Variants in FBXL7 observed in about 807,000 individuals in gnomAD.
FBXL7 encodes the protein F-box and leucine rich repeat protein 7, also known as F-box/LRR-repeat protein 7.
FBXL7 carries 12 observed loss-of-function variants against 38.3 expected under a neutral mutation model. The observed-to-expected ratio is 0.31, with a 90% confidence interval of 0.20 to 0.51. The LOEUF is 0.51. Ranked by LOEUF, FBXL7 falls within the 20% of genes least tolerant of loss-of-function variation. FBXL7 has a pLI of 0.98. For synonymous variants in FBXL7, 297 were observed against 300.9 expected, an observed-to-expected ratio of 0.99 and a Z score of 0.13; for missense variants, 567 against 676.4, an observed-to-expected ratio of 0.84 and a Z score of 1.79.
chr5:15,570,334 G>A lies in FBXL7; in HGVS notation c.38-45649G>A, dbSNP rs528753090. ...TTAGTCTTGGGAGGGTGTATTTGTCGAGGAATTTATCCATTTCTTCTAGAT... is the reference window on the plus strand; with the variant it reads ...TTAGTCTTGGGAGGGTGTATTTGTCAAGGAATTTATCCATTTCTTCTAGAT... On this transcript the variant is annotated intron_variant, in intron 1 of 3. Transcript: ENST00000504595. 9.9e-5 allele frequency among the ~76,000 whole-genome samples: 15 copies of A among 152,194 alleles called. No homozygotes were observed. In the East Asian group the frequency reaches 1.2e-3, roughly 12 times the overall value.
At chr5:15,722,462 A>G (rs1429442936) in intron 2 of FBXL7, among the ~76,000 whole-genome samples, 2 of 152,204 alleles carry the variant, frequency 1.3e-5, no homozygotes, top group Non-Finnish European at 2.9e-5. Flanking sequence ...GCTTTGAGGT[A>G]CACACAGTAA....
rs142590987 is a variant in FBXL7 at position 15,900,261 on chromosome 5, T to C, written c.128-27629T>C. Among the ~76,000 whole-genome samples, 752 of 152,294 alleles carry C rather than the reference T, an allele frequency of 4.9e-3. 4 individuals are homozygous for C. The highest frequency in any genetic ancestry group is 0.016 in the African/African-American group (670 of 41,560). On this transcript the variant is annotated intron_variant, in intron 2 of 3. Coordinates refer to ENST00000504595, the MANE Select transcript of FBXL7 (RefSeq NM_012304.5). ...ATCTCTAAAAACAAAAGTCCATTAT[T>C]AGGGTAAGAAAAAGGAAGTCATCCT... is the stretch of plus-strand genomic sequence containing the variant.
At chr5:15,683,531 A>G (rs1742917142) in intron 2 of FBXL7, among the ~76,000 whole-genome samples, 1 of 152,212 alleles carries the variant, frequency 6.6e-6, no homozygotes, top group South Asian at 2.1e-4. Flanking sequence ...TAAACCATGT[A>G]TTCTGGGACA....
chr5:15,811,016 G>A (rs1361447760), intron 2 of FBXL7, among the ~76,000 whole-genome samples: 1 of 152,106 alleles, frequency 6.6e-6, no homozygotes, highest in Non-Finnish European at 1.5e-5. Context: ...AAAAGAAACT[G>A]CAGAAGGATC....
chr5:15,935,059 A>G, intron 3 of FBXL7: 1 of 484,150 alleles, frequency 2.1e-6, no homozygotes, highest in Non-Finnish European at 4.4e-6. Context: ...GAAAGTCTGG[A>G]GGGCTAAGGG....
intron 2 of FBXL7, among the ~76,000 whole-genome samples, chr5:15,824,321 G>C (rs939346740): frequency 2.7e-5 from 4 of 149,672 alleles, no homozygotes; most frequent in Non-Finnish European, 5.9e-5. Flanking sequence ...AGAGAAAAAC[G>C]TGGACCATTT....
chr5:15,568,595 T>G (rs533145503), intron 1 of FBXL7, among the ~76,000 whole-genome samples: 51 of 151,650 alleles, frequency 3.4e-4, no homozygotes, highest in East Asian at 2.9e-3. Context: ...TTAGTTTAAT[T>G]AGATCCCATT....
intron 1 of FBXL7, among the ~76,000 whole-genome samples, chr5:15,613,553 C>CAATG (rs1554009287): frequency 1.3e-5 from 2 of 152,102 alleles, no homozygotes; most frequent in Non-Finnish European, 2.9e-5. Flanking sequence ...TCCCAATGAG[C>CAATG]AATGGGTGAT....
At chr5:15,880,624 C>T (rs1740405608) in intron 2 of FBXL7, among the ~76,000 whole-genome samples, 1 of 151,078 alleles carries the variant, frequency 6.6e-6, no homozygotes, top group African/African-American at 2.4e-5. Flanking sequence ...ATTTGCAAAA[C>T]TATCAGGCTA....
At chr5:15,694,613 G>A (rs533791530) in intron 2 of FBXL7, among the ~76,000 whole-genome samples, 10 of 152,260 alleles carry the variant, frequency 6.6e-5, no homozygotes, top group African/African-American at 1.4e-4. Flanking sequence ...GGCTGCCCTC[G>A]AGGAATAGCT....
intron 1 of FBXL7, among the ~76,000 whole-genome samples, chr5:15,615,591 T>A (rs545311409): frequency 2.0e-5 from 3 of 152,384 alleles, no homozygotes; most frequent in Middle Eastern, 3.4e-3. Context: ...TTATGCCTTA[T>A]TCTTTGCTTA....
chr5:15,900,031 C>G (rs1389741524), intron 2 of FBXL7, among the ~76,000 whole-genome samples: 1 of 152,144 alleles, frequency 6.6e-6, no homozygotes. Flanking sequence ...TATGATCCAA[C>G]TCAGGTTCTC....
intron 1 of FBXL7, among the ~76,000 whole-genome samples, chr5:15,575,317 C>CT (rs1738922600): frequency 6.6e-6 from 1 of 152,096 alleles, no homozygotes; most frequent in Non-Finnish European, 1.5e-5. Flanking sequence ...TATTTATTTA[C>CT]TTTTATCATT....
intron 2 of FBXL7, among the ~76,000 whole-genome samples, chr5:15,620,357 C>G (rs940767157): frequency 7.3e-5 from 11 of 150,600 alleles, no homozygotes; most frequent in African/African-American, 2.7e-4. Flanking sequence ...CTCAGCCTCC[C>G]GAGTAGCTGG....
At chr5:15,715,361 C>G (rs944307980) in intron 2 of FBXL7, among the ~76,000 whole-genome samples, 2 of 151,660 alleles carry the variant, frequency 1.3e-5, no homozygotes, top group Admixed American at 1.3e-4. Context: ...CGTGATGGCA[C>G]GTGCCTGTAA....
At chr5:15,610,987 G>C (rs1186387222) in intron 1 of FBXL7, among the ~76,000 whole-genome samples, 2 of 152,118 alleles carry the variant, frequency 1.3e-5, no homozygotes, top group Non-Finnish European at 2.9e-5. Flanking sequence ...CTTCACTCCA[G>C]ATCTTCCATG....
At chr5:15,679,474 A>C (rs990642874) in intron 2 of FBXL7, among the ~76,000 whole-genome samples, 22 of 151,512 alleles carry the variant, frequency 1.5e-4, no homozygotes, top group Non-Finnish European at 1.8e-4. Flanking sequence ...TACATACCAC[A>C]CACCATCCTG....
intron 2 of FBXL7, among the ~76,000 whole-genome samples, chr5:15,786,023 T>C (rs568305266): frequency 2.1e-4 from 32 of 152,316 alleles, no homozygotes; most frequent in African/African-American, 6.7e-4. Context: ...TAGACTGTCA[T>C]CATAAAGTGA....
At chr5:15,884,249 CTTCTTTCT>C (rs58115981) in intron 2 of FBXL7, among the ~76,000 whole-genome samples, 5 of 150,480 alleles carry the variant, frequency 3.3e-5, no homozygotes, top group East Asian at 2.0e-4. Flanking sequence ...ATCAGGGAAT[CTTCTTTCT>C]TTCTTTCTTT....
Sources: allele counts gnomAD v4.1 joint callset (sites outside exome capture counted in the v4.1 genomes callset), GRCh38; gene constraint gnomAD v4.1.1; transcripts MANE v1.5; gene names NCBI Gene and HGNC (gene_info 2026-07-23, HGNC 2026-07-21).